Variants in RNF19B observed in about 807,000 individuals in gnomAD.
RNF19B encodes the protein E3 ubiquitin-protein ligase RNF19B.
RNF19B carries 23 observed loss-of-function variants against 65.5 expected under a neutral mutation model. The ratio of observed to expected loss-of-function variants is 0.35; its 90% CI spans 0.25 to 0.50. RNF19B has a LOEUF of 0.50. RNF19B is among the 20% of genes least tolerant of loss of function. The pLI, the probability that RNF19B is intolerant of heterozygous loss-of-function variation, is 0.98. For missense variants in RNF19B, 794 were observed against 980.0 expected (o/e 0.81, Z 2.53); for synonymous variants, 372 against 379.6 (o/e 0.98, Z 0.23).
At chr1:32,935,020 C>G (rs553769958), downstream of RNF19B, among the ~76,000 whole-genome samples, 7 of 151,118 alleles carry the variant, frequency 4.6e-5, no homozygotes, top group Admixed American at 2.6e-4. Flanking sequence ...TTAGTAGAGA[C>G]GGGGTTTCAC....
downstream of RNF19B, among the ~76,000 whole-genome samples, chr1:32,933,624 T>C (rs1642055993): frequency 6.6e-6 from 1 of 152,232 alleles, no homozygotes; most frequent in Admixed American, 6.5e-5. Flanking sequence ...CCTTTTCATC[T>C]ACTAAAGTGT....
chr1:32,944,007 C>A lies in RNF19B; in HGVS notation c.1402+12G>T. The stretch of plus-strand genomic sequence containing the variant: ...CATAAATTCAAATGGAAATAAACAT[C>A]CTGCTTTTTACCTGTGATTGGACCA... On this transcript the variant is annotated intron_variant, in intron 6 of 8. Coordinates refer to ENST00000235150, the MANE Select transcript of RNF19B (RefSeq NM_001300826.2). The A allele has an allele frequency of 6.3e-7, 1 of 1,593,400 alleles. No individual in the cohort carries two copies. Among genetic ancestry groups the A allele is most frequent in the African/African-American group, 1.3e-5 (1 of 74,372 alleles).
chr1:32,954,381 TGTTTTTG>T (rs1642585009), intron 1 of RNF19B, among the ~76,000 whole-genome samples: 1 of 151,934 alleles, frequency 6.6e-6, no homozygotes, highest in Non-Finnish European at 1.5e-5. Context: ...TTGGCATTCC[TGTTTTTG>T]GGTACCTGGT....
intron 6 of RNF19B, among the ~76,000 whole-genome samples, chr1:32,942,881 C>T (rs1354615410): frequency 6.6e-6 from 1 of 152,206 alleles, no homozygotes; most frequent in African/African-American, 2.4e-5. Context: ...TGGCTCACGC[C>T]TGTACTTCCA....
At chr1:32,963,632 C>A (rs762063819) in intron 1 of RNF19B, among the ~76,000 whole-genome samples, 16 of 151,446 alleles carry the variant, frequency 1.1e-4, no homozygotes, top group Admixed American at 6.6e-4. Context: ...GCAGGAGAAT[C>A]GCTTGAACCT....
chr1:32,929,081 G>C, the RNF19B span, among the ~76,000 whole-genome samples: 9 of 152,184 alleles, frequency 5.9e-5, no homozygotes, highest in Admixed American at 6.5e-5. Flanking sequence ...CAGGAAGCTA[G>C]AAGTCCTAGA....
intron 6 of RNF19B, among the ~76,000 whole-genome samples, chr1:32,943,386 C>T (rs760203644): frequency 7.9e-5 from 12 of 151,576 alleles, no homozygotes; most frequent in Non-Finnish European, 1.5e-4. Flanking sequence ...CCAAGGTGGG[C>T]GGATCATGGG....
intron 1 of RNF19B, among the ~76,000 whole-genome samples, chr1:32,962,807 G>A (rs1033956699): frequency 6.6e-5 from 10 of 152,314 alleles, no homozygotes; most frequent in African/African-American, 2.4e-4. Flanking sequence ...ACAGGTAATG[G>A]CTGTCTGACT....
intron 1 of RNF19B, among the ~76,000 whole-genome samples, chr1:32,953,566 G>A (rs1642561874): frequency 6.6e-6 from 1 of 152,088 alleles, no homozygotes; most frequent in African/African-American, 2.4e-5. Context: ...TATAATACAG[G>A]CTGTATTAAA....
At chr1:32,954,568 G>A (rs1010689992) in intron 1 of RNF19B, among the ~76,000 whole-genome samples, 1 of 151,526 alleles carries the variant, frequency 6.6e-6, no homozygotes, top group African/African-American at 2.4e-5. Context: ...GTGAAATCCC[G>A]TCTCAACTAA....
rs369134343 is a variant in RNF19B, at chr1:32,944,041, A to T, written c.1380T>A (p.Asp460Glu). ...ANGKGVKIEF[D>E]EDDGPITVAD... ...TACCTGTGATTGGACCATCATCTTC[A>T]TCAAATTCAATTTTCACTCCTTTTC... Residue 460 changes from aspartate to glutamate, a missense_variant, in exon 6 of 9, where the codon GAT becomes GAA. Around this residue, in one of 3 missense-constraint regions of RNF19B, gnomAD observed 368 missense variants for 447.3 expected, o/e 0.82. Coordinates refer to ENST00000235150, the MANE Select transcript of RNF19B (RefSeq NM_001300826.2). 6.2e-7 allele frequency: 1 copy of T among 1,611,858 alleles called. No individual in the cohort carries two copies. The highest frequency in any genetic ancestry group is 2.2e-5 in the East Asian group (1 of 44,828).
chr1:32,948,106 T>G (rs1429363490), intron 3 of RNF19B, 116 bp downstream of exon 3: 1 of 1,099,476 alleles, frequency 9.1e-7, no homozygotes, highest in African/African-American at 1.6e-5. Context: ...CAGAAGAAGT[T>G]TTCACAGCTT....
In RNF19B at chr1:32,964,213, C is replaced by T; in HGVS notation, c.473G>A (p.Arg158Lys). 6.5e-7 allele frequency: 1 copy of T among 1,546,604 alleles called. No homozygotes were observed. The highest frequency in any genetic ancestry group is 8.7e-7 in the Non-Finnish European group (1 of 1,145,456). ...HYLRLEISES[R>K]VPISCPECSE... ...GCACTCGGGGCAGCTGATGGGCACC[C>T]TGCTCTCGCTTATCTCCAGGCGCAG... Residue 158 changes from arginine (R) to lysine (K), a missense_variant, in exon 1 of 9, where the codon AGG becomes AAG. This residue lies in a region of RNF19B where 374 missense variants were observed against 423.8 expected (regional missense o/e 0.88). Transcript: ENST00000235150. This position sits in a 1 kb window ranked among gnomAD's most constrained non-coding sequence, Gnocchi z 6.5.
At chr1:32,931,380 G>A in the RNF19B span, among the ~76,000 whole-genome samples, 1 of 152,126 alleles carries the variant, frequency 6.6e-6, no homozygotes, top group Non-Finnish European at 1.5e-5. Context: ...TAGGGGGTGG[G>A]ACACGAGAAG....
In RNF19B at chr1:32,938,453, G is replaced by A. The variant is rs774422629; in HGVS notation, c.1686C>T (p.Asn562=). 1.4e-5 allele frequency: 23 copies of A among 1,614,030 alleles called. No homozygotes were observed. The highest frequency in any genetic ancestry group is 2.7e-5 in the African/African-American group (2 of 74,918). Residue 562 remains asparagine, a synonymous_variant, in exon 8 of 9, where the codon AAC becomes AAT. Transcript: ENST00000235150. The part of the protein sequence containing the change: ...DTASLGAISD[N]ASTRAMAGSI... ...AACCGGCCATAGCACGAGTGCTTGCGTTGTCACTAATTGCACCAAGACTGG... is the reference window on the plus strand; with the variant it reads ...AACCGGCCATAGCACGAGTGCTTGCATTGTCACTAATTGCACCAAGACTGG...
At chr1:32,953,679 A>G (rs1298151793) in intron 1 of RNF19B, among the ~76,000 whole-genome samples, 1 of 152,060 alleles carries the variant, frequency 6.6e-6, no homozygotes, top group Non-Finnish European at 1.5e-5. Context: ...TAGCTGCAAA[A>G]TAACTACTAA....
chr1:32,936,424 T>C, downstream of RNF19B: 1 of 161,706 alleles, frequency 6.2e-6, no homozygotes, highest in Non-Finnish European at 1.3e-5. Context: ...TGTGGGACTA[T>C]CCAAGCCAAG....
intron 3 of RNF19B, 38 bp downstream of exon 3, chr1:32,948,184 T>C (rs749228160): frequency 1.9e-6 from 3 of 1,602,696 alleles, no homozygotes; most frequent in Admixed American, 3.3e-5. Context: ...AGTAAGAGAA[T>C]GAGACTACGA....
Position 32,936,562 on chromosome 1 carries a change from C to T in RNF19B, c.*244G>A, listed in dbSNP as rs1642101930. On this transcript the variant is annotated 3_prime_UTR_variant, in exon 9 of 9. Coordinates refer to ENST00000235150, the MANE Select transcript of RNF19B (RefSeq NM_001300826.2). ...GACACACCTCATGGATTGCTGCCAT[C>T]AGTTTAACCAATAAATTAAAACTAA... is the stretch of plus-strand genomic sequence containing the variant. 9 of 429,034 alleles carry T rather than the reference C, an allele frequency of 2.1e-5. No homozygotes were observed. The South Asian group carries it at 4.3e-4, about 20-fold the overall frequency. 26.6% of individuals were successfully genotyped at this position (429,034 alleles called of 1,614,324 possible).
Sources: allele counts gnomAD v4.1 joint callset (sites outside exome capture counted in the v4.1 genomes callset), GRCh38; gene constraint gnomAD v4.1.1; regional missense constraint gnomAD v4.1.1; non-coding constraint Gnocchi (gnomAD v3.1); transcripts MANE v1.5; gene names NCBI Gene and HGNC (gene_info 2026-07-23, HGNC 2026-07-21).